The following EVA1A variants were observed in gnomAD, a reference collection of about 807,000 sequenced individuals.
EVA1A encodes the protein eva-1 homolog A, regulator of programmed cell death.
Under a neutral mutation model 9.8 loss-of-function variants are expected in EVA1A, and 7 were observed. The ratio of observed to expected loss-of-function variants is 0.71; its 90% CI spans 0.41 to 1.34. The LOEUF (loss-of-function observed/expected upper bound fraction) is 1.34. EVA1A is among the 40% of genes most tolerant of loss of function. The probability of loss-of-function intolerance (pLI) is 0.01; values close to 1 mark genes in which losing one functional copy is unlikely to be tolerated. For missense variants in EVA1A, 206 were observed against 205.9 expected, an observed-to-expected ratio of 1.00 and a Z score of 0.00; for synonymous variants, 90 against 85.6, an observed-to-expected ratio of 1.05 and a Z score of -0.28.
At chr2:75,548,505 G>A (rs1676406818) in intron 1 of EVA1A, among the ~76,000 whole-genome samples, 1 of 152,036 alleles carries the variant, frequency 6.6e-6, no homozygotes, top group Non-Finnish European at 1.5e-5. Context: ...AACACCACGT[G>A]TTGCCTCCAC....
intron 2 of EVA1A, chr2:75,518,767 T>C: frequency 1.0e-6 from 1 of 986,272 alleles, no homozygotes; most frequent in African/African-American, 1.7e-5. Flanking sequence ...TCTCCTGCTG[T>C]GCTTTCCCGG....
intron 1 of EVA1A, among the ~76,000 whole-genome samples, chr2:75,524,396 T>C (rs899161326): frequency 1.3e-5 from 2 of 151,848 alleles, no homozygotes; most frequent in African/African-American, 4.8e-5. Flanking sequence ...CTGCACAGCC[T>C]GGCTACTACA....
chr2:75,493,185 A>G lies in EVA1A; in HGVS notation c.*51T>C, dbSNP rs1402116916. The stretch of plus-strand genomic sequence containing the variant: ...TTCCTTGTGCCCACTGTCCCTGCAG[A>G]CGCTCTCCTTTCCAGGCGGCCTCCA... On this transcript the variant is annotated 3_prime_UTR_variant, in exon 4 of 4. Transcript: ENST00000393913. 1 of 1,557,836 alleles carries G rather than the reference A, an allele frequency of 6.4e-7. No individual in the cohort carries two copies. The highest frequency in any genetic ancestry group is 1.4e-5 in the African/African-American group (1 of 73,414).
intron 1 of EVA1A, among the ~76,000 whole-genome samples, chr2:75,557,431 T>C (rs1263575945): frequency 6.6e-6 from 1 of 152,214 alleles, no homozygotes; most frequent in African/African-American, 2.4e-5. Flanking sequence ...TTACCTTCAA[T>C]AGATAAATGA....
intron 1 of EVA1A, chr2:75,541,633 G>A (rs942447901): frequency 1.3e-5 from 2 of 152,594 alleles, no homozygotes; most frequent in Admixed American, 1.3e-4. Flanking sequence ...AGAACACTGA[G>A]GTTATTGGGG....
chr2:75,565,704 A>G (rs17677254), upstream of EVA1A, among the ~76,000 whole-genome samples: 37,212 of 152,110 alleles, frequency 0.24, 5,225 homozygotes, highest in Admixed American at 0.35. Flanking sequence ...TCCAGGAGTG[A>G]TGGAGCAAGG....
At chr2:75,533,171 A>G (rs754555271) in intron 1 of EVA1A, among the ~76,000 whole-genome samples, 1 of 151,664 alleles carries the variant, frequency 6.6e-6, no homozygotes, top group Non-Finnish European at 1.5e-5. Context: ...AAGAAAAAAG[A>G]AAGAAGAAAA....
At chr2:75,499,847 G>C (rs1462263039) in intron 3 of EVA1A, among the ~76,000 whole-genome samples, 1 of 152,164 alleles carries the variant, frequency 6.6e-6, no homozygotes, top group African/African-American at 2.4e-5. Flanking sequence ...TCATCTCACT[G>C]CTCGGCCGTA....
upstream of EVA1A, among the ~76,000 whole-genome samples, chr2:75,565,705 T>C (rs115170335): frequency 0.016 from 2,396 of 152,270 alleles, 61 homozygotes; most frequent in African/African-American, 0.055. Context: ...CCAGGAGTGA[T>C]GGAGCAAGGC....
intron 1 of EVA1A, chr2:75,523,985 C>T (rs1286729507): frequency 1.3e-5 from 2 of 152,070 alleles, no homozygotes; most frequent in Non-Finnish European, 2.9e-5. Flanking sequence ...GCAGTTACCC[C>T]CATGCTTCTG....
chr2:75,501,776 T>C (rs1674434058), intron 3 of EVA1A, among the ~76,000 whole-genome samples: 1 of 152,140 alleles, frequency 6.6e-6, no homozygotes, highest in African/African-American at 2.4e-5. Context: ...GCAGAGTAAG[T>C]GGGAATCAGC....
chr2:75,551,903 G>A (rs532544011), intron 1 of EVA1A, among the ~76,000 whole-genome samples: 98 of 152,222 alleles, frequency 6.4e-4, no homozygotes, highest in Admixed American at 1.6e-3. Context: ...TTTGTGGGCC[G>A]GGCACCGTAG....
intron 1 of EVA1A, among the ~76,000 whole-genome samples, chr2:75,557,920 C>G (rs1043698950): frequency 2.0e-5 from 3 of 152,250 alleles, no homozygotes; most frequent in Admixed American, 6.5e-5. Flanking sequence ...CTTAGCAAAC[C>G]TTATCTCACA....
chr2:75,537,023 C>T (rs970731165), intron 1 of EVA1A, among the ~76,000 whole-genome samples: 1 of 152,090 alleles, frequency 6.6e-6, no homozygotes, highest in Non-Finnish European at 1.5e-5. Context: ...AACTCAAAGC[C>T]ATCAGGAACA....
intron 3 of EVA1A, among the ~76,000 whole-genome samples, chr2:75,496,084 C>A (rs1674201453): frequency 2.6e-5 from 4 of 152,108 alleles, no homozygotes. Flanking sequence ...ATATATTACA[C>A]AAGGCTGTTG....
At chr2:75,549,003 TATA>T (rs1488337563) in intron 1 of EVA1A, among the ~76,000 whole-genome samples, 11 of 93,852 alleles carry the variant, frequency 1.2e-4, no homozygotes, top group African/African-American at 5.8e-4. Context: ...TATATATATA[TATA>T]TATTTTTTTT....
At chr2:75,505,971 G>T (rs1674607688) in intron 3 of EVA1A, among the ~76,000 whole-genome samples, 2 of 152,090 alleles carry the variant, frequency 1.3e-5, no homozygotes, top group South Asian at 4.1e-4. Context: ...TATAGTCAGA[G>T]TATATATAGA....
Position 75,559,460 on chromosome 2 carries a change from C to T in EVA1A, c.-192+1220G>A, listed in dbSNP as rs1397823657. ...CCAGGGCCCGGGCTCTTAGCCACTGCGCTTGACTGCCTTTATGGAAAGGAG... is the reference window on the plus strand; with the variant it reads ...CCAGGGCCCGGGCTCTTAGCCACTGTGCTTGACTGCCTTTATGGAAAGGAG... On this transcript the variant is annotated intron_variant, in intron 1 of 3. Transcript: ENST00000393913. Among the ~76,000 whole-genome samples the T allele has an allele frequency of 4.6e-5, 7 of 152,116 alleles. No individual in the cohort carries two copies. The East Asian group carries it at 1.2e-3, about 25-fold the overall frequency.
chr2:75,542,386 C>G (rs892735287), intron 1 of EVA1A: 5 of 152,230 alleles, frequency 3.3e-5, no homozygotes, highest in African/African-American at 1.2e-4. Context: ...GAGTGAAATT[C>G]AAATGTGAGC....
Sources: gnomAD v4.1 joint callset for allele counts (sites outside exome capture counted in the v4.1 genomes callset) on GRCh38, gnomAD v4.1.1 for gene constraint, MANE v1.5 for transcripts, NCBI Gene and HGNC (gene_info 2026-07-23, HGNC 2026-07-21) for gene names.